NRG1: variants seen among roughly 807,000 people sequenced by gnomAD.
NRG1 encodes the protein pro-neuregulin-1, membrane-bound isoform.
In NRG1, 18 loss-of-function variants were observed where a neutral mutation model predicts 63.8. That is an observed-to-expected ratio of 0.28 (90% CI 0.19 to 0.42). The LOEUF (loss-of-function observed/expected upper bound fraction) is 0.42, where lower values mean the gene tolerates loss of function less well. Ranked by LOEUF, NRG1 falls within the 10% of genes least tolerant of loss-of-function variation. The probability of loss-of-function intolerance (pLI) is 1.00; values close to 1 mark genes in which losing one functional copy is unlikely to be tolerated. For synonymous variants in NRG1, 302 were observed against 301.3 expected, an observed-to-expected ratio of 1.00 and a Z score of -0.02; for missense variants, 762 against 814.7, an observed-to-expected ratio of 0.94 and a Z score of 0.79.
chr8:32,114,466 A>G (rs893848013), intron 1 of NRG1, among the ~76,000 whole-genome samples: 2 of 152,142 alleles, frequency 1.3e-5, no homozygotes, highest in Admixed American at 6.5e-5. Flanking sequence ...GTAAATGACA[A>G]ATGTTTATCA....
intron 1 of NRG1, among the ~76,000 whole-genome samples, chr8:31,676,438 A>T (rs1807708661): frequency 6.6e-6 from 1 of 152,074 alleles, no homozygotes; most frequent in Non-Finnish European, 1.5e-5. Flanking sequence ...CCCAGAGGCC[A>T]TTCTTACTAT....
intron 1 of NRG1, among the ~76,000 whole-genome samples, chr8:32,102,763 G>A (rs17614353): frequency 0.42 from 63,815 of 151,906 alleles, 14,436 homozygotes; most frequent in Admixed American, 0.5. Context: ...GTGTTTCTGG[G>A]CTTCAGTTTC....
chr8:32,623,853 G>A (rs1848736055), intron 5 of NRG1, among the ~76,000 whole-genome samples: 1 of 152,136 alleles, frequency 6.6e-6, no homozygotes, highest in Non-Finnish European at 1.5e-5. Flanking sequence ...CACCAGTGGA[G>A]GAGAGAATCT....
At chr8:32,018,607 C>T (rs754604405) in intron 1 of NRG1, among the ~76,000 whole-genome samples, 1 of 152,144 alleles carries the variant, frequency 6.6e-6, no homozygotes, top group Non-Finnish European at 1.5e-5. Flanking sequence ...CACAGCAGTA[C>T]TTTATCTTCT....
chr8:32,471,816 C>A (rs1341680547), intron 1 of NRG1, among the ~76,000 whole-genome samples: 1 of 152,188 alleles, frequency 6.6e-6, no homozygotes, highest in African/African-American at 2.4e-5. Flanking sequence ...TAAGTTACAA[C>A]TAACTTAAAA....
At chr8:32,433,664 C>T (rs965386860) in intron 1 of NRG1, among the ~76,000 whole-genome samples, 15 of 151,986 alleles carry the variant, frequency 9.9e-5, no homozygotes, top group African/African-American at 3.4e-4. Flanking sequence ...GGTATTGTTT[C>T]GGTGCCCGGC....
At position 32,014,912 on chromosome 8, in the gene NRG1, G is replaced by A. The variant is rs548563479; in HGVS notation, c.37+375481G>A. The stretch of plus-strand genomic sequence containing the variant: ...CAAGTCCAAAGAGGATGAAGGCAGT[G>A]ATCAAGGTGATCCAGCTACAAGCCA... On this transcript the variant is annotated intron_variant, in intron 1 of 10. Coordinates refer to the NRG1 transcript ENST00000519301. 7.9e-4 allele frequency among the ~76,000 whole-genome samples: 120 copies of A among 152,186 alleles called. 4 individuals carry two copies. The South Asian group carries it at 0.024, about 31-fold the overall frequency.
At chr8:31,735,555 A>G (rs1266713577) in intron 1 of NRG1, among the ~76,000 whole-genome samples, 5 of 152,156 alleles carry the variant, frequency 3.3e-5, no homozygotes, top group Non-Finnish European at 7.3e-5. Context: ...CCTCAGTGCA[A>G]TATTTTGTAG....
intron 5 of NRG1, among the ~76,000 whole-genome samples, chr8:32,725,694 G>A (rs545511451): frequency 2.6e-5 from 4 of 151,264 alleles, no homozygotes; most frequent in East Asian, 1.9e-4. Context: ...CAGGCTGGTC[G>A]CAAACTCCTG....
chr8:32,704,951 T>C lies in NRG1; in HGVS notation c.503-22998T>C, dbSNP rs1357928868. ...GAGATTTGTGATCATTGACGTGCTT[T>C]TTATGGCATCTGAAAATATTAGTTT... On this transcript the variant is annotated intron_variant, in intron 5 of 11. Transcript: ENST00000356819. Among the ~76,000 whole-genome samples, 4 of 152,330 alleles carry C rather than the reference T, an allele frequency of 2.6e-5. No individual in the cohort carries two copies. The East Asian group carries it at 7.7e-4, about 29-fold the overall frequency.
rs551402061 is a variant in NRG1, at chr8:31,762,405, A to G, written c.37+122974A>G. On this transcript the variant is annotated intron_variant, in intron 1 of 10. Coordinates refer to the NRG1 transcript ENST00000519301. ...CCTTTTTATGGCTGCAAAGTATTCCATGGTGTATGTGTGTCACATTTCCTT... is the reference window on the plus strand; with the variant it reads ...CCTTTTTATGGCTGCAAAGTATTCCGTGGTGTATGTGTGTCACATTTCCTT... 2.0e-5 allele frequency among the ~76,000 whole-genome samples: 3 copies of G among 152,308 alleles called. No homozygotes were observed. In the South Asian group the frequency reaches 6.2e-4, roughly 32 times the overall value.
At chr8:32,756,704 G>T (rs1829767077) in intron 9 of NRG1, among the ~76,000 whole-genome samples, 175 bp downstream of exon 9, 1 of 152,114 alleles carries the variant, frequency 6.6e-6, no homozygotes, top group Non-Finnish European at 1.5e-5. Context: ...AAGTGGATTT[G>T]GTTACTGTAA....
At chr8:31,669,050 A>G (rs956934075) in intron 1 of NRG1, among the ~76,000 whole-genome samples, 1 of 152,016 alleles carries the variant, frequency 6.6e-6, no homozygotes, top group African/African-American at 2.4e-5. Flanking sequence ...ATTTTACATA[A>G]TATTTTTCTT....
intron 1 of NRG1, among the ~76,000 whole-genome samples, chr8:32,259,922 A>T (rs1016773397): frequency 6.6e-6 from 1 of 151,828 alleles, no homozygotes; most frequent in Non-Finnish European, 1.5e-5. Context: ...CATTCATTTC[A>T]TTTTCTTTTC....
chr8:32,387,089 G>A (rs1343994529), intron 1 of NRG1, among the ~76,000 whole-genome samples: 2 of 152,178 alleles, frequency 1.3e-5, no homozygotes, highest in African/African-American at 2.4e-5. Flanking sequence ...AATTTTCAGT[G>A]CACATAAAGC....
chr8:32,552,256 C>T (rs1834299136), intron 1 of NRG1, among the ~76,000 whole-genome samples: 2 of 142,796 alleles, frequency 1.4e-5, no homozygotes, highest in African/African-American at 5.2e-5. Context: ...GTATTTGACT[C>T]TAAGCTTCCT....
At chr8:32,477,149 A>G (rs1824627136) in intron 1 of NRG1, among the ~76,000 whole-genome samples, 1 of 152,192 alleles carries the variant, frequency 6.6e-6, no homozygotes, top group South Asian at 2.1e-4. Context: ...TGATCGTCTC[A>G]CTGGGACCTG....
chr8:32,397,826 A>T (rs1275566441), intron 1 of NRG1, among the ~76,000 whole-genome samples: 1 of 152,218 alleles, frequency 6.6e-6, no homozygotes, highest in Non-Finnish European at 1.5e-5. Flanking sequence ...AAGCAAGTTG[A>T]CATTCTTTCT....
At chr8:32,279,197 G>A (rs555050425) in intron 1 of NRG1, among the ~76,000 whole-genome samples, 2 of 152,238 alleles carry the variant, frequency 1.3e-5, no homozygotes, top group East Asian at 3.9e-4. Context: ...AACCCTGAAG[G>A]AGATCCTGGC....
Sources: gnomAD v4.1 joint callset for allele counts (sites outside exome capture counted in the v4.1 genomes callset) on GRCh38, gnomAD v4.1.1 for gene constraint, MANE v1.5 for transcripts, NCBI Gene and HGNC (gene_info 2026-07-23, HGNC 2026-07-21) for gene names.